CEP85L: variants seen among roughly 807,000 people sequenced by gnomAD.
CEP85L encodes centrosomal protein 85L, also known as centrosomal protein of 85 kDa-like.
CEP85L carries 60 observed loss-of-function variants against 100.3 expected under a neutral mutation model. The ratio of observed to expected loss-of-function variants is 0.60; its 90% CI spans 0.49 to 0.74. The LOEUF is 0.74. Ranked by LOEUF, CEP85L falls within the 30% of genes least tolerant of loss-of-function variation. The probability of loss-of-function intolerance (pLI) is 0.00; values close to 1 mark genes in which losing one functional copy is unlikely to be tolerated. For missense variants in CEP85L, 973 were observed against 936.2 expected, an observed-to-expected ratio of 1.04 and a Z score of -0.51; for synonymous variants, 319 against 322.7, an observed-to-expected ratio of 0.99 and a Z score of 0.12.
At chr6:118,481,397 T>G (rs1370667674) in intron 8 of CEP85L, among the ~76,000 whole-genome samples, 1 of 152,132 alleles carries the variant, frequency 6.6e-6, no homozygotes, top group Non-Finnish European at 1.5e-5. Flanking sequence ...ATAACCTGTT[T>G]CAATGAAATT....
chr6:118,593,908 T>C (rs1781325459), intron 2 of CEP85L, among the ~76,000 whole-genome samples: 1 of 152,106 alleles, frequency 6.6e-6, no homozygotes, highest in Non-Finnish European at 1.5e-5. Flanking sequence ...TCTCTCAGCC[T>C]AGACTACTCT....
chr6:118,573,863 A>T (rs989889707), intron 2 of CEP85L: 1 of 152,232 alleles, frequency 6.6e-6, no homozygotes, highest in Non-Finnish European at 1.5e-5. Flanking sequence ...GCCTAAATGT[A>T]ACAGCTAAAA....
chr6:118,631,563 C>T (rs1774155338), intron 2 of CEP85L, among the ~76,000 whole-genome samples: 2 of 152,156 alleles, frequency 1.3e-5, no homozygotes, highest in Non-Finnish European at 2.9e-5. Flanking sequence ...AAACTGAAAA[C>T]ATCCCAAATG....
intron 1 of CEP85L, among the ~76,000 whole-genome samples, chr6:118,643,835 G>A (rs1775025106): frequency 6.6e-6 from 1 of 152,158 alleles, no homozygotes; most frequent in Non-Finnish European, 1.5e-5. Flanking sequence ...CGAGAACACT[G>A]TTAACACCAG....
chr6:118,529,064 C>T (rs888909063), intron 3 of CEP85L, among the ~76,000 whole-genome samples: 5 of 152,116 alleles, frequency 3.3e-5, no homozygotes, highest in South Asian at 2.1e-4. Context: ...GTATCTACCC[C>T]GGAACCATTT....
intron 1 of CEP85L, among the ~76,000 whole-genome samples, chr6:118,675,251 A>AAT (rs1160622059): frequency 1.3e-5 from 2 of 152,116 alleles, no homozygotes; most frequent in African/African-American, 2.4e-5. Flanking sequence ...TTCCACATAA[A>AAT]ATATATACAC....
At chr6:118,582,732 A>C (rs1177409111) in intron 2 of CEP85L, among the ~76,000 whole-genome samples, 10 of 152,246 alleles carry the variant, frequency 6.6e-5, no homozygotes, top group Non-Finnish European at 1.5e-4. Flanking sequence ...TAAGAGAGGC[A>C]CTAATAAAAC....
intron 7 of CEP85L, among the ~76,000 whole-genome samples, chr6:118,483,449 G>T (rs1773942612): frequency 6.6e-6 from 1 of 152,016 alleles, no homozygotes; most frequent in Admixed American, 6.6e-5. Context: ...TGGGGTAGAG[G>T]TTGGCAGACT....
At chr6:118,603,817 T>C (rs1771986428) in intron 2 of CEP85L, among the ~76,000 whole-genome samples, 1 of 152,224 alleles carries the variant, frequency 6.6e-6, no homozygotes, top group Admixed American at 6.5e-5. Flanking sequence ...CTGCTAGAGT[T>C]CTATAGTTGA....
intron 2 of CEP85L, among the ~76,000 whole-genome samples, chr6:118,615,808 T>C (rs1022063696): frequency 1.3e-5 from 2 of 152,218 alleles, no homozygotes; most frequent in African/African-American, 4.8e-5. Context: ...GTTTTCAATA[T>C]TCCACATGTT....
chr6:118,504,095 C>T (rs548985642), intron 5 of CEP85L, among the ~76,000 whole-genome samples: 14 of 152,164 alleles, frequency 9.2e-5, no homozygotes, highest in South Asian at 4.2e-4. Flanking sequence ...AATAATAGGC[C>T]GGGCGCGGTA....
At chr6:118,525,796 T>C (rs1237002269) in intron 3 of CEP85L, among the ~76,000 whole-genome samples, 1 of 152,226 alleles carries the variant, frequency 6.6e-6, no homozygotes, top group Non-Finnish European at 1.5e-5. Context: ...GTATAACTGG[T>C]AAATCAAATA....
chr6:118,514,810 T>A (rs916257740), intron 4 of CEP85L, among the ~76,000 whole-genome samples: 13 of 151,994 alleles, frequency 8.6e-5, no homozygotes, highest in African/African-American at 3.1e-4. Flanking sequence ...AGATTTTTTT[T>A]TTTTCTATTT....
chr6:118,483,990 A>G, intron 6 of CEP85L, 132 bp from the exon 7 acceptor site: 1 of 736,322 alleles, frequency 1.4e-6, no homozygotes, highest in Non-Finnish European at 2.2e-6. Flanking sequence ...CTAGCAACTC[A>G]ATTAAGATTT....
chr6:118,471,512 G>T (rs749719377), intron 10 of CEP85L, among the ~76,000 whole-genome samples: 1 of 151,824 alleles, frequency 6.6e-6, no homozygotes, highest in Non-Finnish European at 1.5e-5. Flanking sequence ...CTACTATAAA[G>T]ATATTTTCCT....
At chr6:118,628,201 G>C (rs1773926073) in intron 2 of CEP85L, among the ~76,000 whole-genome samples, 2 of 152,086 alleles carry the variant, frequency 1.3e-5, no homozygotes, top group Non-Finnish European at 2.9e-5. Flanking sequence ...TGAAGAAATA[G>C]AGCAAGCTTC....
chr6:118,704,315 T>A (rs1339709060), intron 1 of CEP85L, among the ~76,000 whole-genome samples: 2 of 152,200 alleles, frequency 1.3e-5, no homozygotes, highest in Non-Finnish European at 2.9e-5. Flanking sequence ...TATAATAAAA[T>A]GTTATAAAAA....
intron 1 of CEP85L, among the ~76,000 whole-genome samples, chr6:118,692,946 G>T (rs1051630956): frequency 6.6e-6 from 1 of 152,070 alleles, no homozygotes; most frequent in South Asian, 2.1e-4. Flanking sequence ...GTGAGGTTGG[G>T]GCTATTTATA....
intron 3 of CEP85L, chr6:118,548,264 CT>C (rs35297033): frequency 2.0e-5 from 3 of 152,070 alleles, no homozygotes; most frequent in Non-Finnish European, 4.4e-5. Flanking sequence ...CCCTAGAACA[CT>C]TTTTCTCCTC....
Sources: gnomAD v4.1 joint callset for allele counts (sites outside exome capture counted in the v4.1 genomes callset) on GRCh38, gnomAD v4.1.1 for gene constraint, MANE v1.5 for transcripts, NCBI Gene and HGNC (gene_info 2026-07-23, HGNC 2026-07-21) for gene names.